Variants in RNF130 observed in about 807,000 individuals in gnomAD.
RNF130 encodes the protein E3 ubiquitin-protein ligase RNF130.
Under a neutral mutation model 44.6 loss-of-function variants are expected in RNF130, and 21 were observed. The observed-to-expected ratio is 0.47, with a 90% CI of 0.33 to 0.68. RNF130 has a LOEUF of 0.68. Ranked by LOEUF, RNF130 falls within the 30% of genes least tolerant of loss-of-function variation. RNF130 has a pLI of 0.02. For synonymous variants in RNF130, 214 were observed against 210.4 expected (o/e 1.02, Z -0.15); for missense variants, 479 against 560.6 (o/e 0.85, Z 1.47).
chr5:179,971,083 T>C (rs1291516618), intron 5 of RNF130, among the ~76,000 whole-genome samples: 1 of 152,172 alleles, frequency 6.6e-6, no homozygotes, highest in Admixed American at 6.6e-5. Context: ...AGCTGAAATG[T>C]TAACGGGGGA....
chr5:179,993,113 C>A (rs857188), intron 3 of RNF130, among the ~76,000 whole-genome samples: 19,281 of 152,224 alleles, frequency 0.13, 1,396 homozygotes, highest in East Asian at 0.27. Context: ...TTTTCTTAAT[C>A]CAGTCTATCG....
At chr5:180,023,755 C>T (rs968329115) in intron 2 of RNF130, among the ~76,000 whole-genome samples, 6 of 152,184 alleles carry the variant, frequency 3.9e-5, no homozygotes, top group African/African-American at 1.4e-4. Flanking sequence ...AGGCAAATCA[C>T]CCATGCAGAA....
At chr5:179,924,584 G>C (rs1761680507) in intron 7 of RNF130, among the ~76,000 whole-genome samples, 1 of 151,678 alleles carries the variant, frequency 6.6e-6, no homozygotes, top group South Asian at 2.1e-4. Flanking sequence ...GATCACCTGA[G>C]GTCAGGAGGA....
At chr5:180,043,971 T>G (rs955137269) in intron 1 of RNF130, among the ~76,000 whole-genome samples, 1 of 152,194 alleles carries the variant, frequency 6.6e-6, no homozygotes. Context: ...TACCTAGTTA[T>G]TCCCTCCTGT....
At chr5:179,965,718 C>T (rs1041805542) in intron 7 of RNF130, among the ~76,000 whole-genome samples, 21 of 152,188 alleles carry the variant, frequency 1.4e-4, no homozygotes, top group Admixed American at 7.2e-4. Flanking sequence ...AGCCAAACTA[C>T]ACTCAAAGCA....
exon 8 of RNF130, chr5:179,919,697 C>T (rs1020673187): frequency 2.0e-5 from 3 of 152,486 alleles, no homozygotes; most frequent in Non-Finnish European, 4.4e-5. Context: ...GGCTGCCTGG[C>T]CCCGCACACA....
intron 2 of RNF130, among the ~76,000 whole-genome samples, chr5:180,031,036 G>C (rs1230229763): frequency 6.6e-6 from 1 of 152,162 alleles, no homozygotes; most frequent in Non-Finnish European, 1.5e-5. Context: ...ATGGTGATGT[G>C]ACCAACTTCC....
Position 180,071,732 on chromosome 5 carries a change from G to T in RNF130, c.-30C>A, listed in dbSNP as rs558547708. 3 of 1,210,186 alleles carry T rather than the reference G, an allele frequency of 2.5e-6. No homozygotes were observed. The highest frequency in any genetic ancestry group is 3.1e-6 in the Non-Finnish European group (3 of 975,648). The allele number at this position is 1,210,186 out of a possible 1,614,324, so 75.0% of individuals were successfully genotyped here. The stretch of plus-strand genomic sequence containing the variant: ...CCTCCGGCAGCCGCCGCTGCTCGCG[G>T]ACCGGGCTCCGGGGCCGGCGCCTAG... On this transcript the variant is annotated 5_prime_UTR_variant, in exon 1 of 9. Coordinates refer to ENST00000521389, the MANE Select transcript of RNF130 (RefSeq NM_018434.6).
At chr5:179,954,893 T>C (rs554957495), downstream of RNF130, among the ~76,000 whole-genome samples, 50 of 152,372 alleles carry the variant, frequency 3.3e-4, no homozygotes, top group African/African-American at 1.2e-3. Flanking sequence ...TATAATTCGA[T>C]GTAACAAAGT....
intron 1 of RNF130, among the ~76,000 whole-genome samples, chr5:180,043,219 G>A (rs904507305): frequency 1.3e-5 from 2 of 152,164 alleles, no homozygotes; most frequent in Admixed American, 1.3e-4. Context: ...CAGCTACTCA[G>A]GAAGCTGAGA....
rs1763694006 is a variant in RNF130 at position 180,015,415 on chromosome 5, T to C, written c.443-2104A>G. The C allele has an allele frequency of 3.9e-6, 2 of 513,758 alleles. 1 individual carries two copies. Among genetic ancestry groups the C allele is most frequent in the South Asian group, 2.9e-5 (2 of 69,796 alleles). The allele number at this position is 513,758 out of a possible 1,614,324, so 31.8% of individuals were successfully genotyped here. ...AGGTACAAACGGTTTTAGAAATCAGTTGAGGCTCCCTCTTGAAGACTCAAG... is the reference window on the plus strand; with the variant it reads ...AGGTACAAACGGTTTTAGAAATCAGCTGAGGCTCCCTCTTGAAGACTCAAG... On this transcript the variant is annotated intron_variant, in intron 2 of 8. Transcript: ENST00000521389.
At chr5:179,920,359 G>A in exon 8 of RNF130, 1 of 702,426 alleles carries the variant, frequency 1.4e-6, no homozygotes, top group Non-Finnish European at 2.6e-6. Context: ...AAGGTTCGAT[G>A]GTGGAGAATT....
intron 1 of RNF130, among the ~76,000 whole-genome samples, 156 bp downstream of exon 1, chr5:180,071,300 G>A (rs1432790917): frequency 6.6e-6 from 1 of 152,250 alleles, no homozygotes; most frequent in Non-Finnish European, 1.5e-5. Flanking sequence ...CACGGGAGCA[G>A]GCCGGGCTGT....
intron 3 of RNF130, among the ~76,000 whole-genome samples, chr5:179,984,031 G>A (rs1048227243): frequency 6.6e-6 from 1 of 152,098 alleles, no homozygotes; most frequent in African/African-American, 2.4e-5. Flanking sequence ...CTACAGGTGT[G>A]CACCATCTGC....
intron 5 of RNF130, among the ~76,000 whole-genome samples, chr5:179,970,777 T>C (rs1762563440): frequency 6.6e-6 from 1 of 152,220 alleles, no homozygotes; most frequent in African/African-American, 2.4e-5. Context: ...AAAGGACTAA[T>C]GGAAACTTAG....
chr5:179,968,146 T>A (rs1209033178), intron 6 of RNF130, among the ~76,000 whole-genome samples: 1 of 151,504 alleles, frequency 6.6e-6, no homozygotes, highest in Non-Finnish European at 1.5e-5. Flanking sequence ...ATACAAAACA[T>A]TAGCCGGGCA....
chr5:179,934,614 A>G (rs975786593), intron 7 of RNF130, among the ~76,000 whole-genome samples: 1 of 148,134 alleles, frequency 6.8e-6, no homozygotes, highest in Non-Finnish European at 1.5e-5. Flanking sequence ...TGGCAAGATC[A>G]TCATGGCTCA....
At chr5:180,058,887 T>C (rs1003838097) in intron 1 of RNF130, among the ~76,000 whole-genome samples, 7 of 152,144 alleles carry the variant, frequency 4.6e-5, no homozygotes, top group Non-Finnish European at 7.3e-5. Context: ...AGTTTCCATT[T>C]TGCAAGACAA....
chr5:179,939,711 C>T (rs140882773), intron 7 of RNF130: 102 of 449,520 alleles, frequency 2.3e-4, no homozygotes, highest in African/African-American at 1.9e-3. Context: ...AGAAAATCCA[C>T]TTCCAAAAGA....
Sources: allele counts gnomAD v4.1 joint callset (sites outside exome capture counted in the v4.1 genomes callset), GRCh38; gene constraint gnomAD v4.1.1; transcripts MANE v1.5; gene names NCBI Gene and HGNC (gene_info 2026-07-23, HGNC 2026-07-21).